ACSM2B: variants seen among roughly 807,000 people sequenced by gnomAD.
The protein encoded by ACSM2B is acyl-CoA synthetase medium chain family member 2B, also known as acyl-coenzyme A synthetase ACSM2B, mitochondrial.
In ACSM2B, 58 loss-of-function variants were observed where a neutral mutation model predicts 78.6. The observed-to-expected ratio is 0.74, with a 90% CI of 0.60 to 0.92. ACSM2B has a LOEUF of 0.92. ACSM2B is among the 40% of genes least tolerant of loss of function. The pLI, the probability that ACSM2B is intolerant of heterozygous loss-of-function variation, is 0.00. For missense variants in ACSM2B, 688 were observed against 711.2 expected, an observed-to-expected ratio of 0.97 and a Z score of 0.37; for synonymous variants, 257 against 256.8, an observed-to-expected ratio of 1.00 and a Z score of -0.01.
chr16:20,563,900 G>T (rs1439127254), intron 2 of ACSM2B, among the ~76,000 whole-genome samples: 4 of 151,884 alleles, frequency 2.6e-5, no homozygotes, highest in Non-Finnish European at 4.4e-5. Flanking sequence ...GCAATTGATG[G>T]ATCAGCAGTG....
At chr16:20,548,359 C>A (rs1386850893) in intron 7 of ACSM2B, 35 bp downstream of exon 7, 7 of 1,612,516 alleles carry the variant, frequency 4.3e-6, no homozygotes, top group Admixed American at 1.7e-5. Flanking sequence ...GGGGATGGGG[C>A]CAGACTCTCT....
At chr16:20,561,407 G>T (rs1257075068) in intron 2 of ACSM2B, among the ~76,000 whole-genome samples, 1 of 151,088 alleles carries the variant, frequency 6.6e-6, no homozygotes, top group Non-Finnish European at 1.5e-5. Flanking sequence ...TGCATCACAT[G>T]GCAAAAGCAG....
At chr16:20,563,703 A>C (rs1002939097) in intron 2 of ACSM2B, among the ~76,000 whole-genome samples, 2 of 151,798 alleles carry the variant, frequency 1.3e-5, no homozygotes, top group Non-Finnish European at 1.5e-5. Flanking sequence ...CCTAGAGGCA[A>C]GGCATTTGCA....
intron 3 of ACSM2B, among the ~76,000 whole-genome samples, chr16:20,558,187 A>C (rs1385337730): frequency 6.6e-6 from 1 of 152,114 alleles, no homozygotes; most frequent in Non-Finnish European, 1.5e-5. Context: ...CAGACCTTGC[A>C]TTCTGATGGA....
At chr16:20,555,589 A>C in intron 3 of ACSM2B, 113 bp from the exon 4 acceptor site, 1 of 1,529,778 alleles carries the variant, frequency 6.5e-7, no homozygotes, top group East Asian at 2.3e-5. Context: ...ATGGGGAAGT[A>C]ATGACCAATG....
At chr16:20,554,551 G>A (rs1371400121) in intron 4 of ACSM2B, among the ~76,000 whole-genome samples, 1 of 152,174 alleles carries the variant, frequency 6.6e-6, no homozygotes, top group Non-Finnish European at 1.5e-5. Context: ...CCGCTAGAGG[G>A]ATTTCAGACA....
chr16:20,556,512 G>C (rs2015479068), intron 3 of ACSM2B, among the ~76,000 whole-genome samples: 1 of 152,180 alleles, frequency 6.6e-6, no homozygotes, highest in Non-Finnish European at 1.5e-5. Context: ...TGACGCAGGA[G>C]GATTGCTTGA....
chr16:20,568,186 A>G (rs930828987), intron 1 of ACSM2B, among the ~76,000 whole-genome samples: 1 of 143,762 alleles, frequency 7.0e-6, no homozygotes, highest in African/African-American at 2.5e-5. Flanking sequence ...AATATATTAT[A>G]TATATTATAT....
rs2015148230 is a variant in ACSM2B at position 20,546,549 on chromosome 16, A to G, written c.1099-75T>C. The G allele has an allele frequency of 1.9e-6, 3 of 1,565,760 alleles. No homozygotes were observed. In the Admixed American group the frequency reaches 5.4e-5, roughly 28 times the overall value. On this transcript the variant is annotated intron_variant, in intron 8 of 13. Transcript: ENST00000329697. The stretch of plus-strand genomic sequence containing the variant: ...TCACAGAAAAAGAAAAAATTTCTGC[A>G]GAGCGGGTCCTGACACTGTCCTGAA...
intron 5 of ACSM2B, among the ~76,000 whole-genome samples, chr16:20,553,513 G>A (rs1024391863): frequency 6.6e-6 from 1 of 152,204 alleles, no homozygotes; most frequent in African/African-American, 2.4e-5. Flanking sequence ...ATGCACGTAA[G>A]CCTTTTGCTA....
intron 2 of ACSM2B, among the ~76,000 whole-genome samples, chr16:20,562,740 G>C (rs1485543519): frequency 2.0e-5 from 3 of 152,248 alleles, no homozygotes; most frequent in South Asian, 2.1e-4. Flanking sequence ...TTGTTCCCTA[G>C]CTTGCTTACT....
intron 5 of ACSM2B, among the ~76,000 whole-genome samples, chr16:20,552,876 A>G (rs1399125492): frequency 2.6e-5 from 4 of 152,204 alleles, no homozygotes; most frequent in Non-Finnish European, 1.5e-5. Flanking sequence ...GCCATAGTGT[A>G]TCTTCTTTCC....
Position 20,543,149 on chromosome 16 carries a change from G to T in ACSM2B, c.1395C>A (p.Ile465=). The T allele has an allele frequency of 6.2e-7, 1 of 1,613,798 alleles. No individual in the cohort carries two copies. The highest frequency in any genetic ancestry group is 8.5e-7 in the Non-Finnish European group (1 of 1,179,860). Residue 465 remains isoleucine (I), a synonymous_variant, in exon 11 of 14, where the codon ATC becomes ATA. Coordinates refer to ENST00000329697, the MANE Select transcript of ACSM2B (RefSeq NM_001105069.2). The part of the protein sequence containing the change: ...YFQFMGRADD[I]INSSGYRIGP... Reference sequence around the variant, plus strand: ...ACCAAGCTCACCCGCTGGAGTTAATGATATCATCTGCCCGTCCCATAAACT... The same window carrying T: ...ACCAAGCTCACCCGCTGGAGTTAATTATATCATCTGCCCGTCCCATAAACT...
At chr16:20,562,184 G>A (rs1053494997) in intron 2 of ACSM2B, among the ~76,000 whole-genome samples, 1 of 151,698 alleles carries the variant, frequency 6.6e-6, no homozygotes, top group Non-Finnish European at 1.5e-5. Flanking sequence ...TTAATTTTTT[G>A]AGAAAATGTT....
intron 1 of ACSM2B, 129 bp from the exon 2 acceptor site, chr16:20,564,982 A>G: frequency 7.8e-7 from 1 of 1,282,648 alleles, no homozygotes; most frequent in Non-Finnish European, 1.0e-6. Flanking sequence ...TGTAGTTATG[A>G]GTAAATTGGC....
chr16:20,561,117 A>T (rs568733483), intron 2 of ACSM2B, among the ~76,000 whole-genome samples: 55 of 152,230 alleles, frequency 3.6e-4, no homozygotes, highest in African/African-American at 1.3e-3. Flanking sequence ...AAGGAAGGAA[A>T]TTCTGACATA....
intron 1 of ACSM2B, among the ~76,000 whole-genome samples, chr16:20,570,038 G>A (rs1293900404): frequency 2.0e-5 from 3 of 151,728 alleles, no homozygotes; most frequent in Non-Finnish European, 4.4e-5. Flanking sequence ...TTACCAATTT[G>A]GAGGACATTT....
rs2016230901 is a variant in ACSM2B, at chr16:20,575,715, C to CCAGGAT, written c.-9+486_-9+491dup. 2 of 147,148 alleles carry CCAGGAT rather than the reference C, an allele frequency of 1.4e-5. 1 individual carries two copies. The highest frequency in any genetic ancestry group is 4.6e-4 in the South Asian group (2 of 4,326). The allele number at this position is 147,148 out of a possible 1,614,324, so 9.1% of individuals were successfully genotyped here. On this transcript the variant is annotated intron_variant, in intron 1 of 13. Coordinates refer to ENST00000329697, the MANE Select transcript of ACSM2B (RefSeq NM_001105069.2). The stretch of plus-strand genomic sequence containing the variant: ...TTTGACAACACCCTCACAGACACAC[C>CCAGGAT]CAGGATCAACACTTTGTATCCTTCA...
chr16:20,568,408 T>A (rs2015997756), intron 1 of ACSM2B, among the ~76,000 whole-genome samples: 1 of 146,382 alleles, frequency 6.8e-6, no homozygotes. Context: ...ATATAAATAT[T>A]TATATATTTA....
Sources: gnomAD v4.1 joint callset for allele counts (sites outside exome capture counted in the v4.1 genomes callset) on GRCh38, gnomAD v4.1.1 for gene constraint, MANE v1.5 for transcripts, NCBI Gene and HGNC (gene_info 2026-07-23, HGNC 2026-07-21) for gene names.